The following NF1 variants were observed in gnomAD, a reference collection of about 807,000 sequenced individuals.
NF1 encodes the protein neurofibromin 1.
A neutral mutation model predicts 325.7 loss-of-function variants in NF1; 122 were observed. The observed-to-expected ratio is 0.37, with a 90% CI of 0.32 to 0.44. The LOEUF is 0.44. Among genes scored for constraint, NF1 ranks in the 20% least tolerant of loss-of-function variants. NF1 has a pLI of 1.00. For synonymous variants in NF1, 1,091 were observed against 1,186.0 expected (o/e 0.92, Z 1.65); for missense variants, 2,140 against 3,415.4 (o/e 0.63, Z 9.31).
intron 29 of NF1, among the ~76,000 whole-genome samples, chr17:31,242,996 AG>A (rs1432811080): frequency 6.6e-6 from 1 of 152,164 alleles, no homozygotes; most frequent in Non-Finnish European, 1.5e-5. Flanking sequence ...TGGTCACTGC[AG>A]CTATATCTGC....
chr17:31,198,511 A>G (rs1192627511), intron 8 of NF1, among the ~76,000 whole-genome samples: 1 of 151,714 alleles, frequency 6.6e-6, no homozygotes, highest in Non-Finnish European at 1.5e-5. Flanking sequence ...AAATTTGTCC[A>G]TTTTGTCCAG....
chr17:31,221,532 T>G (rs923309901), intron 14 of NF1, among the ~76,000 whole-genome samples: 5 of 152,166 alleles, frequency 3.3e-5, no homozygotes, highest in African/African-American at 9.6e-5. Flanking sequence ...TTCTTTAATA[T>G]CTATTGAAAT....
At chr17:31,206,434 ATCC>A in intron 12 of NF1, 63 bp downstream of exon 12, 12 of 1,591,546 alleles carry the variant, frequency 7.5e-6, no homozygotes, top group Non-Finnish European at 1.0e-5. Flanking sequence ...TAGTGTCTTT[ATCC>A]TATTCCTGCT....
intron 36 of NF1, among the ~76,000 whole-genome samples, chr17:31,298,503 G>T (rs1445518583): frequency 3.9e-5 from 6 of 152,010 alleles, no homozygotes; most frequent in Non-Finnish European, 8.8e-5. Context: ...AGAATTTGTT[G>T]TATTAAAATT....
chr17:31,340,578 C>G lies in NF1; in HGVS notation c.6995C>G (p.Ser2332Ter), dbSNP rs2151561754. 1 of 1,614,098 alleles carries G rather than the reference C, an allele frequency of 6.2e-7. No homozygotes were observed. Among genetic ancestry groups the G allele is most frequent in the Non-Finnish European group, 8.5e-7 (1 of 1,179,986 alleles). ...VLQLDEVNLY[S>*]AGTALLEQNL... ...CAGCTTGATGAGGTCAACTTGTATTCAGCAGGTACCGCACTTCTTGAACAA... is the reference window on the plus strand; with the variant it reads ...CAGCTTGATGAGGTCAACTTGTATTGAGCAGGTACCGCACTTCTTGAACAA... Residue 2332 changes from serine to a stop codon, truncating the protein, a stop_gained, in exon 47 of 58, where the codon TCA (serine) becomes TGA (stop). Transcript: ENST00000358273. LOFTEE classifies it high-confidence loss of function.
intron 36 of NF1, chr17:31,272,243 C>G (rs966697623): frequency 6.6e-6 from 1 of 152,176 alleles, no homozygotes; most frequent in Non-Finnish European, 1.5e-5. Flanking sequence ...TCACTTCAGC[C>G]TGAGTGCAAG....
rs138910938 is a variant in NF1 at position 31,097,450 on chromosome 17, T to C, written c.60+2081T>C. Among the ~76,000 whole-genome samples the C allele has an allele frequency of 7.2e-3, 902 of 126,048 alleles. 13 individuals carry two copies. The highest frequency in any genetic ancestry group is 0.023 in the African/African-American group (844 of 35,946). The allele number at this position is 126,048 out of a possible 152,430, so 82.7% of individuals were successfully genotyped here. On this transcript the variant is annotated intron_variant, in intron 1 of 57. Transcript: ENST00000358273. ...TCTAGCCTGGGCGACAGAGCGAGAC[T>C]CTTGTCTCCAAAAAAAAAAAAAAAA...
intron 34 of NF1, 77 bp from the exon 35 acceptor site, chr17:31,261,634 C>A: frequency 4.6e-6 from 7 of 1,533,166 alleles, no homozygotes; most frequent in Non-Finnish European, 5.4e-6. Flanking sequence ...GGAAAAGCAA[C>A]CAGTTACAAG....
chr17:31,131,068 C>T (rs191430951), intron 1 of NF1, among the ~76,000 whole-genome samples: 3 of 152,328 alleles, frequency 2.0e-5, no homozygotes, highest in Admixed American at 6.5e-5. Flanking sequence ...ACCACCCCCA[C>T]CTTATGGGCA....
intron 5 of NF1, among the ~76,000 whole-genome samples, chr17:31,178,688 GC>G (rs1464638985): frequency 6.6e-6 from 1 of 151,514 alleles, no homozygotes; most frequent in Non-Finnish European, 1.5e-5. Flanking sequence ...CAAATGGAAA[GC>G]AAAAAAAAGT....
intron 1 of NF1, among the ~76,000 whole-genome samples, chr17:31,129,671 C>T (rs1241046744): frequency 6.6e-6 from 1 of 151,990 alleles, no homozygotes; most frequent in Non-Finnish European, 1.5e-5. Context: ...CCTCATGATT[C>T]GCCTGTCTTG....
At position 31,260,703 on chromosome 17, in the gene NF1, A is replaced by G. The variant is rs17881906; in HGVS notation, c.4577+188A>G. On this transcript the variant is annotated intron_variant, in intron 34 of 57. Transcript: ENST00000358273. The stretch of plus-strand genomic sequence containing the variant: ...GTTAAGTCATATTAAATAATCAACA[A>G]ACCTACCTAGGTTCCAGTGGTCATT... Among the ~76,000 whole-genome samples, 679 of 152,340 alleles carry G rather than the reference A, an allele frequency of 4.5e-3. 7 individuals are homozygous for G. The highest frequency in any genetic ancestry group is 0.016 in the African/African-American group (648 of 41,570).
chr17:31,097,216 G>A (rs928470183), intron 1 of NF1, among the ~76,000 whole-genome samples: 4 of 152,114 alleles, frequency 2.6e-5, no homozygotes, highest in Admixed American at 2.6e-4. Flanking sequence ...CCAGCACTTT[G>A]GGATGCCAAG....
chr17:31,096,894 T>G (rs1911773652), intron 1 of NF1, among the ~76,000 whole-genome samples: 3 of 151,936 alleles, frequency 2.0e-5, no homozygotes, highest in Admixed American at 2.0e-4. Flanking sequence ...TATAAAAGAT[T>G]ACATTATTGA....
chr17:31,117,947 A>G (rs1163106142), intron 1 of NF1, among the ~76,000 whole-genome samples: 3 of 152,140 alleles, frequency 2.0e-5, no homozygotes, highest in Non-Finnish European at 4.4e-5. Context: ...TTAAAACTCA[A>G]TGTTTGTGAA....
At chr17:31,178,141 G>A (rs1189009598) in intron 5 of NF1, among the ~76,000 whole-genome samples, 1 of 152,118 alleles carries the variant, frequency 6.6e-6, no homozygotes, top group Non-Finnish European at 1.5e-5. Flanking sequence ...ACCCACAAAG[G>A]GAAGCCCATC....
At chr17:31,318,906 C>G (rs1227464235) in intron 36 of NF1, 2 of 1,613,944 alleles carry the variant, frequency 1.2e-6, no homozygotes, top group East Asian at 2.2e-5. Context: ...TACTGTTAGC[C>G]CACAGACGGG....
Position 31,322,099 on chromosome 17 carries a change from ACAC to A in NF1, c.4836-3720_4836-3718del, listed in dbSNP as rs2069213577. Among the ~76,000 whole-genome samples the A allele has an allele frequency of 4.5e-3, 220 of 48,444 alleles. 1 individual carries two copies. Among genetic ancestry groups the A allele is most frequent in the African/African-American group, 7.3e-3 (206 of 28,090 alleles). 31.8% of individuals were successfully genotyped at this position (48,444 alleles called of 152,430 possible). A position where few individuals can be genotyped will look rare whatever the true frequency, so the allele number is the denominator to read the frequency against. On this transcript the variant is annotated intron_variant, in intron 36 of 57. Transcript: ENST00000358273. Reference sequence around the variant, plus strand: ...CGTGTGGTGTAGTGTGTGTATACACACACACACACACACACACACACACACACA... The same window carrying A: ...CGTGTGGTGTAGTGTGTGTATACACAACACACACACACACACACACACACA...
chr17:31,296,026 CCA>C (rs1240054289), intron 36 of NF1: 1 of 1,613,918 alleles, frequency 6.2e-7, no homozygotes, highest in African/African-American at 1.3e-5. Flanking sequence ...CAGACATGTT[CCA>C]CAGAGACCGA....
Sources: gnomAD v4.1 joint callset for allele counts (sites outside exome capture counted in the v4.1 genomes callset) on GRCh38, gnomAD v4.1.1 for gene constraint, MANE v1.5 for transcripts, NCBI Gene and HGNC (gene_info 2026-07-23, HGNC 2026-07-21) for gene names.